The following BRMS1L variants were observed in gnomAD, a reference collection of about 807,000 sequenced individuals.
The protein encoded by BRMS1L is BRMS1 like transcriptional repressor, also known as breast cancer metastasis-suppressor 1-like protein.
In BRMS1L, 23 loss-of-function variants were observed where a neutral mutation model predicts 50.3. That is an observed-to-expected ratio of 0.46 (90% CI 0.33 to 0.65). The LOEUF is 0.65. BRMS1L is among the 30% of genes least tolerant of loss of function. The pLI, the probability that BRMS1L is intolerant of heterozygous loss-of-function variation, is 0.02. For synonymous variants in BRMS1L, 114 were observed against 126.9 expected, an observed-to-expected ratio of 0.90 and a Z score of 0.69; for missense variants, 286 against 386.1, an observed-to-expected ratio of 0.74 and a Z score of 2.17.
chr14:35,841,424 G>A (rs748296342), intron 4 of BRMS1L, among the ~76,000 whole-genome samples: 17 of 151,626 alleles, frequency 1.1e-4, no homozygotes, highest in Non-Finnish European at 8.8e-5. Flanking sequence ...TCAGCCTCCC[G>A]AGTAGCTGGG....
At chr14:35,850,397 G>A (rs567187095) in intron 4 of BRMS1L, among the ~76,000 whole-genome samples, 2 of 151,022 alleles carry the variant, frequency 1.3e-5, no homozygotes, top group South Asian at 4.2e-4. Flanking sequence ...AGTAGACATG[G>A]CATTTCTCCA....
chr14:35,855,232 TTTGGGTCC>T (rs1302836138), intron 4 of BRMS1L, among the ~76,000 whole-genome samples: 5 of 152,162 alleles, frequency 3.3e-5, no homozygotes, highest in Non-Finnish European at 7.4e-5. Flanking sequence ...CCTTGTTGAT[TTTGGGTCC>T]TTGGGGATAT....
chr14:35,866,282 A>G (rs760137118), intron 8 of BRMS1L, among the ~76,000 whole-genome samples: 20 of 152,138 alleles, frequency 1.3e-4, no homozygotes, highest in Non-Finnish European at 2.8e-4. Context: ...TTCTTTCACT[A>G]TAGGTGAGAT....
chr14:35,826,943 A>G (rs2077854493), intron 1 of BRMS1L, among the ~76,000 whole-genome samples: 1 of 152,188 alleles, frequency 6.6e-6, no homozygotes, highest in Admixed American at 6.5e-5. Context: ...CCAGGCGGAC[A>G]ACTTCCCGCA....
chr14:35,829,028 C>G lies in BRMS1L; in HGVS notation c.142+2370C>G, dbSNP rs1405293607. ...TGGCACGATCTTGGCTCGCTGCAACCTCTGCCTCCTGGATTAGATTCTCCA... is the reference window on the plus strand; with the variant it reads ...TGGCACGATCTTGGCTCGCTGCAACGTCTGCCTCCTGGATTAGATTCTCCA... On this transcript the variant is annotated intron_variant, in intron 1 of 9. Coordinates refer to ENST00000216807, the MANE Select transcript of BRMS1L (RefSeq NM_032352.4). Among the ~76,000 whole-genome samples the G allele has an allele frequency of 2.0e-5, 3 of 151,836 alleles. No individual in the cohort carries two copies. In the South Asian group the frequency reaches 6.2e-4, roughly 32 times the overall value.
At chr14:35,862,796 TC>T in intron 5 of BRMS1L, 110 bp downstream of exon 5, 1 of 519,436 alleles carries the variant, frequency 1.9e-6, no homozygotes, top group Non-Finnish European at 3.1e-6. Flanking sequence ...AAATGAAATG[TC>T]CCAGCAAAGG....
In BRMS1L at chr14:35,870,427, C is replaced by T. The variant is rs1488227093; in HGVS notation, c.922C>T (p.Leu308Phe). The change falls in exon 10 of 10, where the codon CTT (leucine) becomes TTT (phenylalanine). Residue 308 changes from leucine (L) to phenylalanine (F), a missense_variant. By Grantham distance (22) the Leu-to-Phe change is conservative. Around this residue, in one of 5 missense-constraint regions of BRMS1L, gnomAD observed 7 missense variants for 19.2 expected, o/e 0.37. Coordinates refer to ENST00000216807, the MANE Select transcript of BRMS1L (RefSeq NM_032352.4). Reference sequence around the variant, plus strand: ...GAGGCCTGATGGAAGCAAATCTAAGCTTTACATTTCACAGCTACAGAAAGG... The same window carrying T: ...GAGGCCTGATGGAAGCAAATCTAAGTTTTACATTTCACAGCTACAGAAAGG... ...FKRPDGSKSK[L>F]YISQLQKGKY... is the part of the protein sequence containing the mutation. The T allele has an allele frequency of 6.2e-7, 1 of 1,609,322 alleles. No homozygotes were observed. Among genetic ancestry groups the T allele is most frequent in the Non-Finnish European group, 8.5e-7 (1 of 1,177,636 alleles).
Position 35,826,633 on chromosome 14 carries a change from G to A in BRMS1L, c.117G>A (p.Ser39=). 1.9e-6 allele frequency: 3 copies of A among 1,612,458 alleles called. No homozygotes were observed. Among genetic ancestry groups the A allele is most frequent in the South Asian group, 1.1e-5 (1 of 90,526 alleles). ...AGGACGAGGACACTGAGAGCTCGTC[G>A]GTCTCCGAGGATGGAGATAGCTCAG... The part of the protein sequence containing the change: ...SSEDEDTESS[S]VSEDGDSSEM... The change falls in exon 1 of 10, where the codon TCG becomes TCA. Residue 39 remains serine (S), a synonymous_variant. Coordinates refer to ENST00000216807, the MANE Select transcript of BRMS1L (RefSeq NM_032352.4).
chr14:35,843,376 T>G (rs530334645), intron 4 of BRMS1L, among the ~76,000 whole-genome samples: 1 of 152,328 alleles, frequency 6.6e-6, no homozygotes, highest in Admixed American at 6.5e-5. Context: ...GTGGAGGTCC[T>G]TTTTGTTGAT....
At chr14:35,840,859 C>T (rs981012438) in intron 4 of BRMS1L, among the ~76,000 whole-genome samples, 25 of 151,754 alleles carry the variant, frequency 1.6e-4, no homozygotes, top group African/African-American at 5.6e-4. Flanking sequence ...TTCAGTTCTG[C>T]TCCAATCTTT....
chr14:35,835,273 G>A (rs180832310), intron 4 of BRMS1L, among the ~76,000 whole-genome samples: 1 of 152,204 alleles, frequency 6.6e-6, no homozygotes, highest in Non-Finnish European at 1.5e-5. Flanking sequence ...CAGTTAGGAT[G>A]TTGGGCTATA....
At chr14:35,836,987 A>C (rs2078002852) in intron 4 of BRMS1L, among the ~76,000 whole-genome samples, 1 of 152,112 alleles carries the variant, frequency 6.6e-6, no homozygotes, top group South Asian at 2.1e-4. Context: ...TAGGTATTTT[A>C]ATCTCTTTGT....
At chr14:35,835,034 T>G in intron 4 of BRMS1L, 111 bp downstream of exon 4, 1 of 559,376 alleles carries the variant, frequency 1.8e-6, no homozygotes, top group South Asian at 7.3e-5. Flanking sequence ...GTACTTTAGC[T>G]CATCATTTGT....
At chr14:35,837,262 A>C (rs916349628) in intron 4 of BRMS1L, among the ~76,000 whole-genome samples, 1 of 152,164 alleles carries the variant, frequency 6.6e-6, no homozygotes, top group Non-Finnish European at 1.5e-5. Context: ...GCTCAAAAAA[A>C]AAAAGAAAAA....
intron 4 of BRMS1L, among the ~76,000 whole-genome samples, chr14:35,837,947 A>C (rs1375129620): frequency 6.6e-6 from 1 of 152,190 alleles, no homozygotes; most frequent in Non-Finnish European, 1.5e-5. Context: ...ATAGGTATAC[A>C]TGTGCCATGG....
At chr14:35,852,990 G>GTATCTATCTATCTATCAATCTATCTATC (rs572748526) in intron 4 of BRMS1L, among the ~76,000 whole-genome samples, 3 of 148,734 alleles carry the variant, frequency 2.0e-5, no homozygotes, top group African/African-American at 7.6e-5. Flanking sequence ...CTTTATATCT[G>GTATCTATCTATCTATCAATCTATCTATC]TATCTATCTA....
At chr14:35,863,139 A>G (rs1040153711) in intron 5 of BRMS1L, among the ~76,000 whole-genome samples, 6 of 152,152 alleles carry the variant, frequency 3.9e-5, no homozygotes, top group Non-Finnish European at 8.8e-5. Context: ...TAGCTATAGT[A>G]TATGTTTTTC....
chr14:35,834,411 T>C (rs2077965626), intron 3 of BRMS1L, among the ~76,000 whole-genome samples: 1 of 152,136 alleles, frequency 6.6e-6, no homozygotes, highest in African/African-American at 2.4e-5. Flanking sequence ...TTGAAAATGA[T>C]AGTTAAAAAA....
chr14:35,851,433 G>A (rs12882307), intron 4 of BRMS1L, among the ~76,000 whole-genome samples: 25,076 of 150,858 alleles, frequency 0.17, 2,161 homozygotes, highest in East Asian at 0.33. Flanking sequence ...AAAAAAGAGG[G>A]ATGGAAATAT....
Sources: gnomAD v4.1 joint callset for allele counts (sites outside exome capture counted in the v4.1 genomes callset) on GRCh38, gnomAD v4.1.1 for gene constraint, gnomAD v4.1.1 regional missense constraint, MANE v1.5 for transcripts, NCBI Gene and HGNC (gene_info 2026-07-23, HGNC 2026-07-21) for gene names.